HIGD1C: variants seen among roughly 807,000 people sequenced by gnomAD.
HIGD1C encodes the protein HIG1 hypoxia inducible domain family member 1C, also known as HIG1 domain family member 1C.
In HIGD1C, 11 loss-of-function variants were observed where a neutral mutation model predicts 13.1. The observed-to-expected ratio is 0.84, with a 90% CI of 0.53 to 1.39. The LOEUF is 1.39. Ranked by LOEUF, HIGD1C falls within the 40% of genes most tolerant of loss-of-function variation. The pLI is 0.00. For synonymous variants in HIGD1C, 36 were observed against 37.7 expected (o/e 0.95, Z 0.17); for missense variants, 110 against 112.0 (o/e 0.98, Z 0.08).
intron 2 of HIGD1C, among the ~76,000 whole-genome samples, chr12:50,965,188 G>A (rs1012640146): frequency 7.2e-5 from 11 of 151,872 alleles, no homozygotes; most frequent in African/African-American, 2.4e-4. Context: ...ATCATGGCTC[G>A]CTACAGCCCC....
At chr12:50,970,871 C>CTTTAT (rs141979850), downstream of HIGD1C, among the ~76,000 whole-genome samples, 3 of 151,286 alleles carry the variant, frequency 2.0e-5, no homozygotes, top group East Asian at 2.0e-4. Context: ...CTTCTCTTTT[C>CTTTAT]TTTATTTTAT....
intron 1 of HIGD1C, among the ~76,000 whole-genome samples, chr12:50,955,535 A>G (rs1377513661): frequency 6.6e-6 from 1 of 152,216 alleles, no homozygotes; most frequent in East Asian, 1.9e-4. Context: ...TCAGACTGAC[A>G]TAAGTTTGCA....
At chr12:50,950,662 C>T (rs1483217897), upstream of HIGD1C, among the ~76,000 whole-genome samples, 1 of 147,116 alleles carries the variant, frequency 6.8e-6, no homozygotes, top group African/African-American at 2.5e-5. Context: ...CACCATCATG[C>T]CCAGCTAATT....
chr12:50,933,924 C>A, the HIGD1C span, among the ~76,000 whole-genome samples: 10 of 152,230 alleles, frequency 6.6e-5, no homozygotes, highest in African/African-American at 2.2e-4. Flanking sequence ...CCGGCATCAC[C>A]TCATTGCAAG....
chr12:50,937,219 C>T, the HIGD1C span, among the ~76,000 whole-genome samples: 2 of 152,196 alleles, frequency 1.3e-5, no homozygotes, highest in Non-Finnish European at 2.9e-5. Flanking sequence ...CTGGGCTTGC[C>T]GCAGGAGACA....
chr12:50,946,142 G>C, the HIGD1C span, among the ~76,000 whole-genome samples: 1 of 152,110 alleles, frequency 6.6e-6, no homozygotes, highest in Non-Finnish European at 1.5e-5. Context: ...AGAAAACCTA[G>C]GCAATATCAT....
At chr12:50,939,200 T>G in the HIGD1C span, among the ~76,000 whole-genome samples, 1 of 152,232 alleles carries the variant, frequency 6.6e-6, no homozygotes, top group South Asian at 2.1e-4. Context: ...CAGGGTAGAA[T>G]GCAGTGGTGC....
upstream of HIGD1C, among the ~76,000 whole-genome samples, chr12:50,950,554 G>A (rs1471287492): frequency 6.6e-6 from 1 of 152,070 alleles, no homozygotes; most frequent in East Asian, 1.9e-4. Flanking sequence ...CCCAGACTGA[G>A]TGCAGTGGCG....
chr12:50,942,863 TTC>T, the HIGD1C span, among the ~76,000 whole-genome samples: 6 of 125,284 alleles, frequency 4.8e-5, no homozygotes, highest in Admixed American at 5.1e-4. Flanking sequence ...GCAGTTTCTC[TTC>T]TCTTTTTTTT....
At chr12:50,968,129 A>G (rs562312656) in intron 2 of HIGD1C, among the ~76,000 whole-genome samples, 37 of 145,814 alleles carry the variant, frequency 2.5e-4, no homozygotes, top group Admixed American at 2.5e-3. Flanking sequence ...GGAGGAGGAG[A>G]ATGAGGAGGA....
At chr12:50,948,199 A>G in the HIGD1C span, among the ~76,000 whole-genome samples, 1 of 152,202 alleles carries the variant, frequency 6.6e-6, no homozygotes, top group East Asian at 1.9e-4. Flanking sequence ...GACTCTAAGC[A>G]TATCTTCTAA....
At chr12:50,932,815 A>G in the HIGD1C span, among the ~76,000 whole-genome samples, 5 of 152,210 alleles carry the variant, frequency 3.3e-5, no homozygotes, top group Non-Finnish European at 5.9e-5. Context: ...TATTTTAACT[A>G]TCTCTTGAAC....
chr12:50,948,926 G>A (rs1592243511), upstream of HIGD1C, among the ~76,000 whole-genome samples: 2 of 20,186 alleles, frequency 9.9e-5, no homozygotes, highest in African/African-American at 5.7e-4. Context: ...GGGGGGGAGG[G>A]GGAGGGGAGG....
downstream of HIGD1C, among the ~76,000 whole-genome samples, chr12:50,971,380 G>A (rs923637716): frequency 8.1e-5 from 12 of 147,390 alleles, no homozygotes; most frequent in Non-Finnish European, 1.2e-4. Flanking sequence ...CTATTTTACC[G>A]CAAACACATG....
downstream of HIGD1C, among the ~76,000 whole-genome samples, chr12:50,971,342 T>C (rs1939755342): frequency 6.6e-6 from 1 of 152,222 alleles, no homozygotes; most frequent in East Asian, 1.9e-4. Context: ...TTCACCACTT[T>C]ATATCTCATT....
At chr12:50,944,946 C>A in the HIGD1C span, among the ~76,000 whole-genome samples, 12 of 152,192 alleles carry the variant, frequency 7.9e-5, no homozygotes, top group South Asian at 4.2e-4. Flanking sequence ...ACAAATCAAT[C>A]AATGTAATCC....
chr12:50,943,667 G>A, the HIGD1C span, among the ~76,000 whole-genome samples: 458 of 151,228 alleles, frequency 3.0e-3, 6 homozygotes, highest in East Asian at 1.4e-3. Context: ...CCGAGATCGC[G>A]CCACTGCACT....
the HIGD1C span, among the ~76,000 whole-genome samples, chr12:50,934,564 A>G: frequency 1.3e-5 from 2 of 152,368 alleles, no homozygotes; most frequent in African/African-American, 4.8e-5. Flanking sequence ...TACAATGATG[A>G]TAAATGTTTT....
intron 1 of HIGD1C, among the ~76,000 whole-genome samples, chr12:50,957,499 A>C (rs573860856): frequency 1.3e-5 from 2 of 151,676 alleles, no homozygotes; most frequent in East Asian, 3.9e-4. Context: ...ATGCCCACCC[A>C]GCCTGCATTT....
Sources: allele counts gnomAD v4.1 joint callset (sites outside exome capture counted in the v4.1 genomes callset), GRCh38; gene constraint gnomAD v4.1.1; transcripts MANE v1.5; gene names NCBI Gene and HGNC (gene_info 2026-07-23, HGNC 2026-07-21).